Variants in GRID2 observed in about 807,000 individuals in gnomAD.
GRID2 encodes glutamate receptor ionotropic, delta-2.
Under a neutral mutation model 114.8 loss-of-function variants are expected in GRID2, and 33 were observed. The ratio of observed to expected loss-of-function variants is 0.29; its 90% confidence interval spans 0.22 to 0.38. The LOEUF (loss-of-function observed/expected upper bound fraction) is 0.38. Among genes scored for constraint, GRID2 ranks in the 10% least tolerant of loss-of-function variants. The pLI is 1.00. For missense variants in GRID2, 1,184 were observed against 1,257.7 expected (o/e 0.94, Z 0.89); for synonymous variants, 505 against 449.9 (o/e 1.12, Z -1.55).
At chr4:92,922,357 A>C (rs1324537361) in intron 2 of GRID2, among the ~76,000 whole-genome samples, 1 of 151,940 alleles carries the variant, frequency 6.6e-6, no homozygotes, top group Non-Finnish European at 1.5e-5. Flanking sequence ...TCTGTCCTGC[A>C]CCCACTGTCC....
chr4:93,452,822 T>C (rs1722809871), intron 10 of GRID2, among the ~76,000 whole-genome samples: 1 of 151,976 alleles, frequency 6.6e-6, no homozygotes, highest in Non-Finnish European at 1.5e-5. Flanking sequence ...TTTGATTATT[T>C]CTGGTTATGT....
intron 11 of GRID2, among the ~76,000 whole-genome samples, chr4:93,489,926 G>A (rs190957755): frequency 6.6e-6 from 1 of 151,882 alleles, no homozygotes; most frequent in Non-Finnish European, 1.5e-5. Flanking sequence ...AAGAGTCAAG[G>A]TAGGGGGCTA....
At chr4:92,937,084 C>T (rs777930123) in intron 2 of GRID2, among the ~76,000 whole-genome samples, 16 of 146,226 alleles carry the variant, frequency 1.1e-4, no homozygotes, top group Admixed American at 2.2e-4. Context: ...GCATACTAGG[C>T]GGTTATCAGA....
chr4:92,533,797 G>A (rs968439541), intron 1 of GRID2, among the ~76,000 whole-genome samples: 9 of 151,982 alleles, frequency 5.9e-5, no homozygotes, highest in Non-Finnish European at 2.9e-5. Flanking sequence ...CTTAACTGAA[G>A]TACTTTGTCC....
chr4:93,198,149 AACCCTACT>A (rs1476393502), intron 4 of GRID2, among the ~76,000 whole-genome samples: 1 of 152,162 alleles, frequency 6.6e-6, no homozygotes, highest in Non-Finnish European at 1.5e-5. Flanking sequence ...ATTTTATTGA[AACCCTACT>A]ATGTGTCACT....
chr4:93,224,869 C>A, intron 7 of GRID2, 94 bp downstream of exon 7: 1 of 888,220 alleles, frequency 1.1e-6, no homozygotes, highest in Middle Eastern at 2.7e-4. Context: ...TCTACAAATT[C>A]TAAGCACAAA....
chr4:92,956,522 A>C (rs1376727227), intron 2 of GRID2, among the ~76,000 whole-genome samples: 1 of 152,114 alleles, frequency 6.6e-6, no homozygotes, highest in Non-Finnish European at 1.5e-5. Flanking sequence ...TTTAGTGCTA[A>C]ATAATATTCC....
Position 93,515,421 on chromosome 4 carries a change from A to C in GRID2, c.2193+10A>C, listed in dbSNP as rs1237351097. Reference sequence around the variant, plus strand: ...GGCAGGCATTCAAAAGGTACTGTCCATGGTTCTCCTTTAATAGTCCTTACC... The same window carrying C: ...GGCAGGCATTCAAAAGGTACTGTCCCTGGTTCTCCTTTAATAGTCCTTACC... On this transcript the variant is annotated intron_variant, in intron 13 of 15. Coordinates refer to ENST00000282020, the MANE Select transcript of GRID2 (RefSeq NM_001510.4). The C allele has an allele frequency of 3.8e-6, 6 of 1,564,496 alleles. No individual in the cohort carries two copies. The highest frequency in any genetic ancestry group is 5.3e-6 in the Non-Finnish European group (6 of 1,137,216).
rs181630358 is a variant in GRID2 at position 93,112,944 on chromosome 4, T to A, written c.735+1991T>A. 2.0e-3 allele frequency among the ~76,000 whole-genome samples: 299 copies of A among 152,316 alleles called. 2 individuals carry two copies. Among genetic ancestry groups the A allele is most frequent in the Middle Eastern group, 0.014 (4 of 294 alleles). Reference sequence around the variant, plus strand: ...CCTAATGACCTAATTTTAATTTGATTACCTCTGTAAAGACCTTATCTCCAA... The same window carrying A: ...CCTAATGACCTAATTTTAATTTGATAACCTCTGTAAAGACCTTATCTCCAA... On this transcript the variant is annotated intron_variant, in intron 4 of 15. Transcript: ENST00000282020.
intron 1 of GRID2, among the ~76,000 whole-genome samples, chr4:92,565,659 G>A (rs867621355): frequency 6.6e-6 from 1 of 151,736 alleles, no homozygotes; most frequent in Admixed American, 6.6e-5. Context: ...AGTTCCTAAC[G>A]CAGCGGTACA....
chr4:92,788,717 G>A lies in GRID2; in HGVS notation c.244+198431G>A, dbSNP rs985052149. Reference sequence around the variant, plus strand: ...TGAACACTTTTTCATATGTTTATTGGACATTATTATCTATCTTAAGATATT... The same window carrying A: ...TGAACACTTTTTCATATGTTTATTGAACATTATTATCTATCTTAAGATATT... On this transcript the variant is annotated intron_variant, in intron 2 of 15. Transcript: ENST00000282020. 5.3e-5 allele frequency among the ~76,000 whole-genome samples: 8 copies of A among 151,448 alleles called. 1 individual carries two copies. The highest frequency in any genetic ancestry group is 1.9e-4 in the African/African-American group (8 of 41,276).
chr4:93,058,762 A>G (rs891454091), intron 2 of GRID2, among the ~76,000 whole-genome samples: 7 of 152,014 alleles, frequency 4.6e-5, no homozygotes, highest in African/African-American at 1.7e-4. Context: ...TTTAAGTTAT[A>G]TAATTCTAAA....
chr4:92,687,100 TC>T (rs1419412739), intron 2 of GRID2, among the ~76,000 whole-genome samples: 2 of 152,174 alleles, frequency 1.3e-5, no homozygotes, highest in African/African-American at 4.8e-5. Flanking sequence ...TCTTCCATTT[TC>T]TGGAGTTACC....
intron 14 of GRID2, among the ~76,000 whole-genome samples, chr4:93,767,138 G>A (rs1733738276): frequency 6.6e-6 from 1 of 152,136 alleles, no homozygotes; most frequent in Non-Finnish European, 1.5e-5. Context: ...TGAGAGAAGG[G>A]GAATGAAGGT....
intron 14 of GRID2, among the ~76,000 whole-genome samples, chr4:93,653,517 T>C (rs1722764097): frequency 6.6e-6 from 1 of 152,162 alleles, no homozygotes; most frequent in South Asian, 2.1e-4. Context: ...CTATTTTGTA[T>C]GTGTGAAAAT....
At chr4:92,460,249 C>T (rs568377837) in intron 1 of GRID2, among the ~76,000 whole-genome samples, 36 of 151,072 alleles carry the variant, frequency 2.4e-4, no homozygotes, top group African/African-American at 7.5e-4. Flanking sequence ...ACTGTGTGAT[C>T]GAGATAATGG....
At chr4:92,809,072 C>T (rs949251060) in intron 2 of GRID2, among the ~76,000 whole-genome samples, 13 of 151,880 alleles carry the variant, frequency 8.6e-5, no homozygotes, top group African/African-American at 3.1e-4. Context: ...AGAAAAGATA[C>T]TCTGCCAAAA....
chr4:92,840,636 G>T (rs965438836), intron 2 of GRID2, among the ~76,000 whole-genome samples: 4 of 151,832 alleles, frequency 2.6e-5, no homozygotes, highest in African/African-American at 4.8e-5. Context: ...GTTTCTTGGG[G>T]CATTTTGTAT....
chr4:93,557,220 G>A (rs552904123), intron 13 of GRID2, among the ~76,000 whole-genome samples: 1 of 152,230 alleles, frequency 6.6e-6, no homozygotes, highest in Admixed American at 6.5e-5. Context: ...CATAATGACA[G>A]GGTCAAATTC....
Sources: gnomAD v4.1 joint callset for allele counts (sites outside exome capture counted in the v4.1 genomes callset) on GRCh38, gnomAD v4.1.1 for gene constraint, MANE v1.5 for transcripts, NCBI Gene and HGNC (gene_info 2026-07-23, HGNC 2026-07-21) for gene names.